The following TULP4 variants were observed in gnomAD, a reference collection of about 807,000 sequenced individuals.
The protein encoded by TULP4 is tubby-related protein 4.
A neutral mutation model predicts 129.0 loss-of-function variants in TULP4; 16 were observed. The ratio of observed to expected loss-of-function variants is 0.12; its 90% CI spans 0.08 to 0.19. The LOEUF (loss-of-function observed/expected upper bound fraction) is 0.19. Among genes scored for constraint, TULP4 ranks in the 10% least tolerant of loss-of-function variants. TULP4 has a pLI of 1.00. For missense variants in TULP4, 1,842 were observed against 2,059.1 expected (o/e 0.89, Z 2.04); for synonymous variants, 998 against 854.0 (o/e 1.17, Z -2.94).
intron 6 of TULP4, among the ~76,000 whole-genome samples, chr6:158,462,767 G>GAA (rs1779465831): frequency 1.0e-5 from 1 of 100,002 alleles, no homozygotes; most frequent in Admixed American, 1.1e-4. Context: ...TTTTTTTTTT[G>GAA]AATTGGAGTT....
At chr6:158,378,805 G>A (rs1414110961) in intron 1 of TULP4, among the ~76,000 whole-genome samples, 3 of 152,084 alleles carry the variant, frequency 2.0e-5, no homozygotes, top group South Asian at 2.1e-4. Flanking sequence ...GTTTTGAGGG[G>A]AAGATAAATT....
At chr6:158,459,274 T>C (rs1779364691) in intron 5 of TULP4, among the ~76,000 whole-genome samples, 1 of 151,830 alleles carries the variant, frequency 6.6e-6, no homozygotes, top group Admixed American at 6.6e-5. Flanking sequence ...CTACTGAAAA[T>C]ACAAAATTAG....
intron 1 of TULP4, among the ~76,000 whole-genome samples, chr6:158,254,917 C>T (rs1016351330): frequency 6.6e-6 from 1 of 152,150 alleles, no homozygotes; most frequent in Non-Finnish European, 1.5e-5. Context: ...ACTAAAAGTA[C>T]AAAAATTAAC....
chr6:158,398,574 A>C (rs906105346), intron 1 of TULP4: 1 of 152,254 alleles, frequency 6.6e-6, no homozygotes, highest in South Asian at 2.1e-4. Flanking sequence ...TCTGTTTAGC[A>C]CTGGCCTGCA....
intron 8 of TULP4, among the ~76,000 whole-genome samples, chr6:158,483,021 C>T (rs1034148333): frequency 2.0e-5 from 3 of 152,148 alleles, no homozygotes; most frequent in Non-Finnish European, 4.4e-5. Flanking sequence ...GAATTAAAAG[C>T]TATAAAACAA....
At chr6:158,393,459 A>C (rs1255559130) in intron 1 of TULP4, among the ~76,000 whole-genome samples, 1 of 152,328 alleles carries the variant, frequency 6.6e-6, no homozygotes, top group East Asian at 1.9e-4. Flanking sequence ...GCCTTAGTAA[A>C]GGTTCTCCAT....
At chr6:158,334,527 G>T (rs976151005) in intron 1 of TULP4, among the ~76,000 whole-genome samples, 66 of 152,200 alleles carry the variant, frequency 4.3e-4, no homozygotes, top group Admixed American at 4.0e-3. Flanking sequence ...CAATAGACAT[G>T]AGTAAATAAG....
chr6:158,374,308 A>G (rs543162854), intron 1 of TULP4, among the ~76,000 whole-genome samples: 3 of 146,506 alleles, frequency 2.0e-5, no homozygotes, highest in Non-Finnish European at 4.5e-5. Context: ...AAAAAAAAAA[A>G]CAAGAAGTAA....
chr6:158,242,504 C>T, intron 1 of TULP4: 1 of 789,108 alleles, frequency 1.3e-6, no homozygotes, highest in Non-Finnish European at 2.3e-6. Flanking sequence ...GTTTGTCTGT[C>T]TGCCGGTTGG....
intron 1 of TULP4, among the ~76,000 whole-genome samples, chr6:158,343,832 C>G (rs1324538843): frequency 6.6e-6 from 1 of 152,178 alleles, no homozygotes; most frequent in East Asian, 1.9e-4. Flanking sequence ...AATGAAAATA[C>G]TAACAAAGTG....
At chr6:158,253,768 C>CT (rs1778190653) in intron 1 of TULP4, among the ~76,000 whole-genome samples, 1 of 152,206 alleles carries the variant, frequency 6.6e-6, no homozygotes, top group African/African-American at 2.4e-5. Flanking sequence ...AGCATGGTGG[C>CT]TCATGCCTTT....
intron 1 of TULP4, among the ~76,000 whole-genome samples, chr6:158,388,316 G>GT (rs1377926300): frequency 0.012 from 1,078 of 92,766 alleles, 52 homozygotes; most frequent in Middle Eastern, 0.022. Context: ...TAATCTGCTC[G>GT]TTTTTCTTTT....
upstream of TULP4, among the ~76,000 whole-genome samples, chr6:158,308,625 G>A (rs1453317584): frequency 5.6e-4 from 83 of 147,716 alleles, 1 homozygote; most frequent in South Asian, 4.3e-4. Flanking sequence ...CTGGTCGGGC[G>A]GGGGGCTGAC....
chr6:158,479,573 T>G (rs1779892828), intron 6 of TULP4, among the ~76,000 whole-genome samples, 178 bp from the exon 7 acceptor site: 1 of 152,160 alleles, frequency 6.6e-6, no homozygotes, highest in Admixed American at 6.5e-5. Flanking sequence ...CTCTAGCCAA[T>G]TTTCAATAAA....
chr6:158,495,835 C>A (rs1308647102), intron 11 of TULP4, among the ~76,000 whole-genome samples: 3 of 148,068 alleles, frequency 2.0e-5, no homozygotes, highest in Non-Finnish European at 4.5e-5. Flanking sequence ...AGCGAAACTA[C>A]GTCTCAAGAA....
At chr6:158,310,020 C>G (rs1335257823), upstream of TULP4, among the ~76,000 whole-genome samples, 1 of 152,010 alleles carries the variant, frequency 6.6e-6, no homozygotes. Context: ...TGTTCATGTT[C>G]AAGAAAATGT....
chr6:158,501,255 T>C (rs528597242), intron 12 of TULP4, among the ~76,000 whole-genome samples: 2 of 152,306 alleles, frequency 1.3e-5, no homozygotes, highest in South Asian at 4.1e-4. Context: ...TAATCATGAA[T>C]AGACCTATTC....
At chr6:158,268,960 TTTTTGGAAAGCTGCAC>T (rs1282461727) in intron 1 of TULP4, among the ~76,000 whole-genome samples, 2 of 152,214 alleles carry the variant, frequency 1.3e-5, no homozygotes, top group African/African-American at 2.4e-5. Flanking sequence ...GCCAAATTGC[TTTTTGGAAAGCTGCAC>T]TAGAATTGGA....
At chr6:158,498,287 A>G (rs1399815391) in intron 11 of TULP4, among the ~76,000 whole-genome samples, 4 of 152,246 alleles carry the variant, frequency 2.6e-5, no homozygotes, top group Non-Finnish European at 5.9e-5. Context: ...TGTCACAACT[A>G]TTTCCATTCA....
Sources: allele counts gnomAD v4.1 joint callset (sites outside exome capture counted in the v4.1 genomes callset), GRCh38; gene constraint gnomAD v4.1.1; transcripts MANE v1.5; gene names NCBI Gene and HGNC (gene_info 2026-07-23, HGNC 2026-07-21).